Variants in CREG2 observed in about 807,000 individuals in gnomAD.
CREG2 encodes the protein protein CREG2.
In CREG2, 24 loss-of-function variants were observed where a neutral mutation model predicts 26.2. The ratio of observed to expected loss-of-function variants is 0.92; its 90% CI spans 0.66 to 1.29. The LOEUF (loss-of-function observed/expected upper bound fraction) is 1.29. Among genes scored for constraint, CREG2 ranks in the 50% most tolerant of loss-of-function variants. The pLI is 0.00. For missense variants in CREG2, 366 were observed against 398.6 expected (o/e 0.92, Z 0.70); for synonymous variants, 174 against 169.2 (o/e 1.03, Z -0.22).
chr2:101,373,514 T>C lies in CREG2; in HGVS notation c.611+10019A>G, dbSNP rs147124034. 3.0e-3 allele frequency among the ~76,000 whole-genome samples: 453 copies of C among 152,332 alleles called. 7 individuals carry two copies. The highest frequency in any genetic ancestry group is 7.4e-4 in the Non-Finnish European group (50 of 68,024). On this transcript the variant is annotated intron_variant, in intron 2 of 3. Coordinates refer to ENST00000324768, the MANE Select transcript of CREG2 (RefSeq NM_153836.4). ...AAGCTTTTTGGTGGATGTATATTTATGGGTGTCACATCCTCATCACTTATT... is the reference window on the plus strand; with the variant it reads ...AAGCTTTTTGGTGGATGTATATTTACGGGTGTCACATCCTCATCACTTATT...
chr2:101,376,017 A>G, intron 2 of CREG2: 2 of 212,188 alleles, frequency 9.4e-6, no homozygotes, highest in South Asian at 8.9e-5. Context: ...CTGTCACGAC[A>G]TGGGCATCTG....
At chr2:101,371,698 C>G (rs1684709615) in intron 2 of CREG2, among the ~76,000 whole-genome samples, 1 of 152,194 alleles carries the variant, frequency 6.6e-6, no homozygotes, top group Non-Finnish European at 1.5e-5. Flanking sequence ...GCAGCCCCAG[C>G]TGGCCTTAGC....
intron 2 of CREG2, among the ~76,000 whole-genome samples, chr2:101,372,108 G>A (rs568727297): frequency 6.6e-6 from 1 of 152,272 alleles, no homozygotes; most frequent in African/African-American, 2.4e-5. Context: ...GGGGGAAATG[G>A]CAGCCACGCT....
At chr2:101,361,921 A>G (rs1471683441) in intron 2 of CREG2, among the ~76,000 whole-genome samples, 1 of 152,138 alleles carries the variant, frequency 6.6e-6, no homozygotes, top group Non-Finnish European at 1.5e-5. Flanking sequence ...CAAGGGCTGT[A>G]GGAGGTGTTG....
In CREG2 at chr2:101,349,069, C is replaced by A. The variant is rs1053963548; in HGVS notation, c.*1854G>T. ...GAGCTAAATGGAACCTGACTATAAA[C>A]GCAAACCTAGCCAGGGGACCTTATC... is the stretch of plus-strand genomic sequence containing the variant. On this transcript the variant is annotated 3_prime_UTR_variant, in exon 4 of 4. Coordinates refer to ENST00000324768, the MANE Select transcript of CREG2 (RefSeq NM_153836.4). The A allele has an allele frequency of 6.6e-6, 1 of 152,642 alleles. No individual in the cohort carries two copies. Among genetic ancestry groups the A allele is most frequent in the Non-Finnish European group, 1.5e-5 (1 of 68,046 alleles). 9.5% of individuals were successfully genotyped at this position (152,642 alleles called of 1,614,324 possible). A position where few individuals can be genotyped will look rare whatever the true frequency, so the allele number is the denominator to read the frequency against.
rs766678416 is a variant in CREG2 at position 101,350,942 on chromosome 2, GC to G, written c.853del (p.Ala285GlnfsTer20). 2 of 1,614,152 alleles carry G rather than the reference GC, an allele frequency of 1.2e-6. No individual in the cohort carries two copies. The highest frequency in any genetic ancestry group is 2.7e-5 in the African/African-American group (2 of 75,044). On this transcript the variant is annotated frameshift_variant, in exon 4 of 4. Transcript: ENST00000324768. LOFTEE classifies it high-confidence loss of function. ...ACTCCATCAGGCCTTTCTGGGAACTGCTTTGAAATATTCCTCCCTTGAAATA... is the reference window on the plus strand; with the variant it reads ...ACTCCATCAGGCCTTTCTGGGAACTGTTTGAAATATTCCTCCCTTGAAATA... ...SSISREEYFK[A>X]VPRKA is the part of the protein sequence containing the mutation.
chr2:101,366,152 A>G (rs1211156444), intron 2 of CREG2, among the ~76,000 whole-genome samples: 1 of 152,164 alleles, frequency 6.6e-6, no homozygotes, highest in Non-Finnish European at 1.5e-5. Context: ...GTCTTTTGAC[A>G]TGACATCCTT....
In CREG2 at chr2:101,350,878, G is replaced by A; in HGVS notation, c.*45C>T. On this transcript the variant is annotated 3_prime_UTR_variant, in exon 4 of 4. Transcript: ENST00000324768. ...AGCTGTCTGGCTGCATCACTGAAAA[G>A]GTTTTCATTTAAGTGCAAACACCAA... 2 of 1,603,364 alleles carry A rather than the reference G, an allele frequency of 1.2e-6. No homozygotes were observed. The highest frequency in any genetic ancestry group is 2.2e-5 in the East Asian group (1 of 44,792).
intron 1 of CREG2, among the ~76,000 whole-genome samples, chr2:101,384,705 T>A (rs1337746656): frequency 1.3e-5 from 2 of 152,078 alleles, no homozygotes; most frequent in African/African-American, 2.4e-5. Context: ...AAAAGTTTTT[T>A]AAAAAATTAG....
In CREG2 at chr2:101,346,582, C is replaced by T. The variant is rs1452506926; in HGVS notation, c.*4341G>A. 6.6e-6 allele frequency: 1 copy of T among 152,172 alleles called. No homozygotes were observed. Among genetic ancestry groups the T allele is most frequent in the Non-Finnish European group, 1.5e-5 (1 of 68,038 alleles). The allele number at this position is 152,172 out of a possible 1,614,324, so 9.4% of individuals were successfully genotyped here. ...AATTTTAAAGAATTTTACACCTCTT[C>T]TGCAAATGGATATATTAACGGTTAA... On this transcript the variant is annotated 3_prime_UTR_variant, in exon 4 of 4. Coordinates refer to ENST00000324768, the MANE Select transcript of CREG2 (RefSeq NM_153836.4).
chr2:101,370,284 C>G (rs1043413936), intron 2 of CREG2, among the ~76,000 whole-genome samples: 2 of 152,148 alleles, frequency 1.3e-5, no homozygotes, highest in African/African-American at 4.8e-5. Flanking sequence ...AAATAGGGCA[C>G]TATTAATTTC....
chr2:101,371,755 G>C (rs1290320151), intron 2 of CREG2, among the ~76,000 whole-genome samples: 1 of 152,176 alleles, frequency 6.6e-6, no homozygotes. Flanking sequence ...CAGGATGGAA[G>C]TGGCTGCACA....
chr2:101,357,167 G>A (rs141957779), intron 2 of CREG2, among the ~76,000 whole-genome samples: 4,551 of 152,282 alleles, frequency 0.03, 91 homozygotes, highest in Non-Finnish European at 0.045. Context: ...GATTACAGGC[G>A]TGAGCCACTG....
chr2:101,355,155 A>G, intron 3 of CREG2, 98 bp downstream of exon 3: 1 of 781,028 alleles, frequency 1.3e-6, no homozygotes, highest in Non-Finnish European at 2.2e-6. Flanking sequence ...GTGGAGACCA[A>G]TCACTTATTG....
intron 3 of CREG2, among the ~76,000 whole-genome samples, chr2:101,353,998 GACAAAT>G (rs751061850): frequency 5.3e-5 from 8 of 152,122 alleles, no homozygotes; most frequent in Non-Finnish European, 1.2e-4. Context: ...AAAGCATTAG[GACAAAT>G]ACCTAATGTA....
At position 101,383,722 on chromosome 2, in the gene CREG2, G is replaced by C. The variant is rs370080358; in HGVS notation, c.442-20C>G. On this transcript the variant is annotated intron_variant, in intron 1 of 3. Transcript: ENST00000324768. ...TTGGATCTAACAAACACCAAAAAAG[G>C]CTTTTTCAGTGCAGAGCTGTGGCTC... The C allele has an allele frequency of 9.5e-5, 150 of 1,577,712 alleles. No homozygotes were observed. Among genetic ancestry groups the C allele is most frequent in the Middle Eastern group, 1.7e-4 (1 of 5,854 alleles).
chr2:101,385,332 C>T (rs1684951013), intron 1 of CREG2, among the ~76,000 whole-genome samples: 1 of 152,132 alleles, frequency 6.6e-6, no homozygotes, highest in South Asian at 2.1e-4. Flanking sequence ...CAGGTGCATG[C>T]CACCATGCCT....
At chr2:101,367,835 G>A (rs114075818) in intron 2 of CREG2, among the ~76,000 whole-genome samples, 4,200 of 152,340 alleles carry the variant, frequency 0.028, 74 homozygotes, top group Non-Finnish European at 0.043. Flanking sequence ...ATTGAGGTAA[G>A]CAAGGGGCCA....
chr2:101,380,385 G>A (rs1684854320), intron 2 of CREG2, among the ~76,000 whole-genome samples: 1 of 152,224 alleles, frequency 6.6e-6, no homozygotes, highest in South Asian at 2.1e-4. Context: ...GAACGCAGAG[G>A]CAGGCTTGCA....
Sources: allele counts gnomAD v4.1 joint callset (sites outside exome capture counted in the v4.1 genomes callset), GRCh38; gene constraint gnomAD v4.1.1; transcripts MANE v1.5; gene names NCBI Gene and HGNC (gene_info 2026-07-23, HGNC 2026-07-21).